The following TPRG1 variants were observed in gnomAD, a reference collection of about 807,000 sequenced individuals.
The protein encoded by TPRG1 is tumor protein p63-regulated gene 1 protein.
A neutral mutation model predicts 29.3 loss-of-function variants in TPRG1; 29 were observed. The ratio of observed to expected loss-of-function variants is 0.99; its 90% CI spans 0.74 to 1.35. TPRG1 has a LOEUF of 1.35. TPRG1 is among the 40% of genes most tolerant of loss of function. TPRG1 has a pLI of 0.00. For missense variants in TPRG1, 327 were observed against 335.0 expected (o/e 0.98, Z 0.19); for synonymous variants, 130 against 116.8 (o/e 1.11, Z -0.73).
intron 4 of TPRG1, among the ~76,000 whole-genome samples, chr3:189,260,513 TC>T (rs1708210805): frequency 6.6e-6 from 1 of 152,204 alleles, no homozygotes; most frequent in African/African-American, 2.4e-5. Flanking sequence ...TATCAATTCC[TC>T]CTGTGAAAAA....
At chr3:189,118,737 G>T (rs1335445567) in intron 1 of TPRG1, among the ~76,000 whole-genome samples, 1 of 152,334 alleles carries the variant, frequency 6.6e-6, no homozygotes, top group East Asian at 1.9e-4. Context: ...ATGTGGTGTT[G>T]GTCCTGTGGG....
chr3:189,083,024 G>A (rs945404270), intron 4 of TPRG1, among the ~76,000 whole-genome samples: 2 of 152,106 alleles, frequency 1.3e-5, no homozygotes, highest in East Asian at 1.9e-4. Context: ...AAGATGGCAC[G>A]GCTCATTTCT....
At position 189,150,874 on chromosome 3, in the gene TPRG1, T is replaced by C. The variant is rs1444653370; in HGVS notation, c.-10+2T>C. On this transcript the variant is annotated splice_donor_variant, in intron 5 of 6. Transcript: ENST00000412373. LOFTEE classifies it low-confidence loss of function (5UTR_SPLICE). ...GCAGATGTTAATGGATAAAGCCAGG[T>C]GGGATGATGTTATAACATTTCTCCT... is the stretch of plus-strand genomic sequence containing the variant. The C allele has an allele frequency of 6.6e-6, 1 of 152,170 alleles. No individual in the cohort carries two copies. Among genetic ancestry groups the C allele is most frequent in the African/African-American group, 2.4e-5 (1 of 41,418 alleles). The allele number at this position is 152,170 out of a possible 1,614,324, so 9.4% of individuals were successfully genotyped here.
intron 4 of TPRG1, among the ~76,000 whole-genome samples, chr3:189,025,158 G>A (rs1713591452): frequency 6.6e-6 from 1 of 152,166 alleles, no homozygotes; most frequent in Non-Finnish European, 1.5e-5. Flanking sequence ...GTATGTGCCT[G>A]AGCACCGGTT....
At chr3:189,132,899 A>G (rs766116293) in intron 3 of TPRG1, among the ~76,000 whole-genome samples, 1 of 152,184 alleles carries the variant, frequency 6.6e-6, no homozygotes, top group Non-Finnish European at 1.5e-5. Flanking sequence ...GTTTCCAGGC[A>G]CTGAGCTAAG....
chr3:189,149,770 C>T (rs1354379385), intron 4 of TPRG1, among the ~76,000 whole-genome samples: 3 of 152,072 alleles, frequency 2.0e-5, no homozygotes, highest in East Asian at 1.9e-4. Flanking sequence ...AGCCTGTGTC[C>T]GGAACTGCCT....
At chr3:189,076,472 G>A (rs1294835889) in intron 4 of TPRG1, among the ~76,000 whole-genome samples, 1 of 151,594 alleles carries the variant, frequency 6.6e-6, no homozygotes, top group East Asian at 1.9e-4. Flanking sequence ...TCAGCAAGCT[G>A]TATTTTGCTG....
intron 2 of TPRG1, among the ~76,000 whole-genome samples, chr3:189,208,150 G>T (rs1291420650): frequency 1.3e-5 from 2 of 152,208 alleles, no homozygotes; most frequent in Admixed American, 1.3e-4. Context: ...GGGTAAGTAA[G>T]CAGGAGGGAG....
At chr3:189,199,975 A>G (rs1243562768) in intron 1 of TPRG1, among the ~76,000 whole-genome samples, 1 of 152,242 alleles carries the variant, frequency 6.6e-6, no homozygotes, top group East Asian at 1.9e-4. Context: ...TTTATTTTGT[A>G]GAGAGGAACC....
At chr3:189,237,802 T>G (rs1739772326) in intron 3 of TPRG1, among the ~76,000 whole-genome samples, 1 of 152,188 alleles carries the variant, frequency 6.6e-6, no homozygotes, top group Non-Finnish European at 1.5e-5. Flanking sequence ...TGATTCTGTG[T>G]GGTGAGGATT....
chr3:189,287,640 G>T (rs543964684), intron 4 of TPRG1, among the ~76,000 whole-genome samples: 6 of 151,960 alleles, frequency 3.9e-5, no homozygotes, highest in African/African-American at 1.2e-4. Flanking sequence ...CTCGTGATCT[G>T]CCCGCCTCAG....
At position 189,036,773 on chromosome 3, in the gene TPRG1, A is replaced by C. The variant is rs538457513; in HGVS notation, c.-463+12827A>C. Among the ~76,000 whole-genome samples, 86 of 152,100 alleles carry C rather than the reference A, an allele frequency of 5.7e-4. 1 individual carries two copies. In the South Asian group the frequency reaches 0.017, roughly 31 times the overall value. On this transcript the variant is annotated intron_variant, in intron 4 of 10. Coordinates refer to the TPRG1 transcript ENST00000433971. ...AATAAAAAAGGTGATGTAAATTTAGATGTAATGTACAGATGGATAATTATA... is the reference window on the plus strand; with the variant it reads ...AATAAAAAAGGTGATGTAAATTTAGCTGTAATGTACAGATGGATAATTATA...
chr3:189,023,239 T>C (rs1195551085), intron 3 of TPRG1, among the ~76,000 whole-genome samples: 1 of 152,208 alleles, frequency 6.6e-6, no homozygotes, highest in African/African-American at 2.4e-5. Context: ...TATTCGGCCA[T>C]CTTGGCTCCT....
chr3:189,013,977 AT>A (rs1177798131), intron 3 of TPRG1, among the ~76,000 whole-genome samples: 1 of 152,028 alleles, frequency 6.6e-6, no homozygotes, highest in Non-Finnish European at 1.5e-5. Context: ...CTGTCTTTTC[AT>A]TGGGGGCCCA....
At chr3:189,061,685 A>G (rs1716114906) in intron 4 of TPRG1, among the ~76,000 whole-genome samples, 1 of 152,234 alleles carries the variant, frequency 6.6e-6, no homozygotes, top group South Asian at 2.1e-4. Flanking sequence ...GCATATTTAA[A>G]AAGCACAATA....
At position 189,175,724 on chromosome 3, in the gene TPRG1, A is replaced by T. The variant is rs569682014; in HGVS notation, c.-10+3593A>T. On this transcript the variant is annotated intron_variant, in intron 1 of 5. Transcript: ENST00000345063. ...AAGGCAAGGTGGTGCTATACAGTAGAATTAGAAAGATGGATAAAAATATTT... is the reference window on the plus strand; with the variant it reads ...AAGGCAAGGTGGTGCTATACAGTAGTATTAGAAAGATGGATAAAAATATTT... 2.3e-3 allele frequency among the ~76,000 whole-genome samples: 353 copies of T among 152,366 alleles called. 3 individuals are homozygous for T. Among genetic ancestry groups the T allele is most frequent in the African/African-American group, 7.7e-3 (322 of 41,582 alleles).
At chr3:189,089,553 A>T (rs6444349) in intron 4 of TPRG1, among the ~76,000 whole-genome samples, 1 of 152,082 alleles carries the variant, frequency 6.6e-6, no homozygotes, top group South Asian at 2.1e-4. Flanking sequence ...GAGAAGTCCA[A>T]TGTCAAGGAA....
At chr3:189,290,900 T>C (rs1420276691) in intron 4 of TPRG1, among the ~76,000 whole-genome samples, 1 of 152,104 alleles carries the variant, frequency 6.6e-6, no homozygotes, top group Non-Finnish European at 1.5e-5. Flanking sequence ...TAGTGGCCCA[T>C]TTCTTTTTGT....
At chr3:189,312,421 G>A (rs942247303) in intron 5 of TPRG1, among the ~76,000 whole-genome samples, 4 of 150,152 alleles carry the variant, frequency 2.7e-5, no homozygotes, top group African/African-American at 9.7e-5. Flanking sequence ...CTGCTTTAAA[G>A]GACATCTGGT....
Sources: gnomAD v4.1 joint callset for allele counts (sites outside exome capture counted in the v4.1 genomes callset) on GRCh38, gnomAD v4.1.1 for gene constraint, MANE v1.5 for transcripts, NCBI Gene and HGNC (gene_info 2026-07-23, HGNC 2026-07-21) for gene names.